FGF14: variants seen among roughly 807,000 people sequenced by gnomAD.
FGF14 encodes fibroblast growth factor homologous factor 4.
Under a neutral mutation model 25.5 loss-of-function variants are expected in FGF14, and 5 were observed. The ratio of observed to expected loss-of-function variants is 0.20; its 90% CI spans 0.10 to 0.41. FGF14 has a LOEUF of 0.41. Ranked by LOEUF, FGF14 falls within the 10% of genes least tolerant of loss-of-function variation. FGF14 has a pLI of 1.00. For missense variants in FGF14, 222 were observed against 320.1 expected (o/e 0.69, Z 2.34); for synonymous variants, 138 against 118.3 (o/e 1.17, Z -1.08).
chr13:101,899,771 C>T (rs1292736266), intron 1 of FGF14, among the ~76,000 whole-genome samples: 1 of 151,844 alleles, frequency 6.6e-6, no homozygotes, highest in African/African-American at 2.4e-5. Flanking sequence ...CAAAAACTGA[C>T]AGGTCTGGAG....
chr13:102,357,199 T>G (rs1444172129), intron 1 of FGF14, among the ~76,000 whole-genome samples: 3 of 151,778 alleles, frequency 2.0e-5, no homozygotes, highest in Non-Finnish European at 4.4e-5. Context: ...GACACCAGGT[T>G]GCACACCTCG....
At chr13:102,108,105 T>G (rs1020918601) in intron 1 of FGF14, among the ~76,000 whole-genome samples, 2 of 152,206 alleles carry the variant, frequency 1.3e-5, no homozygotes, top group African/African-American at 4.8e-5. Flanking sequence ...TAAATAGGAG[T>G]TTAGTAAATA....
At chr13:102,240,953 G>A (rs957920892) in intron 1 of FGF14, among the ~76,000 whole-genome samples, 10 of 152,054 alleles carry the variant, frequency 6.6e-5, no homozygotes, top group Non-Finnish European at 1.0e-4. Context: ...AAAGGCAAAG[G>A]GCAAAATGTA....
At chr13:102,262,657 C>T (rs765886037) in intron 1 of FGF14, among the ~76,000 whole-genome samples, 26 of 152,038 alleles carry the variant, frequency 1.7e-4, no homozygotes, top group African/African-American at 6.3e-4. Context: ...AAATTTAGCA[C>T]CCACTAACAG....
At chr13:101,874,655 T>C (rs919438275) in intron 2 of FGF14, among the ~76,000 whole-genome samples, 3 of 152,150 alleles carry the variant, frequency 2.0e-5, no homozygotes, top group Admixed American at 6.6e-5. Context: ...GCAAACACTT[T>C]GCACAATGAA....
chr13:102,184,225 A>G (rs114818556), intron 1 of FGF14, among the ~76,000 whole-genome samples: 1 of 152,274 alleles, frequency 6.6e-6, no homozygotes, highest in African/African-American at 2.4e-5. Context: ...AGGCAAGCCT[A>G]CTAATCCCAG....
At chr13:102,281,492 G>A (rs1027442400) in intron 1 of FGF14, among the ~76,000 whole-genome samples, 1 of 152,082 alleles carries the variant, frequency 6.6e-6, no homozygotes, top group African/African-American at 2.4e-5. Context: ...CCCTACCGCT[G>A]TCAGTGCTTT....
intron 1 of FGF14, among the ~76,000 whole-genome samples, chr13:101,974,804 A>G (rs4772431): frequency 0.39 from 58,684 of 152,014 alleles, 11,824 homozygotes; most frequent in East Asian, 0.71. Flanking sequence ...AAATCAAATT[A>G]CCACATAATG....
chr13:102,266,326 G>C (rs922222780), intron 1 of FGF14, among the ~76,000 whole-genome samples: 6 of 152,126 alleles, frequency 3.9e-5, no homozygotes, highest in Non-Finnish European at 8.8e-5. Context: ...AGTTAGAAGA[G>C]CTGAAGAGAG....
chr13:101,719,023 C>A lies in FGF14; in HGVS notation c.*3808G>T, dbSNP rs1205289031. 2 of 151,968 alleles carry A rather than the reference C, an allele frequency of 1.3e-5. No homozygotes were observed. The highest frequency in any genetic ancestry group is 2.9e-5 in the Non-Finnish European group (2 of 67,982). The allele number at this position is 151,968 out of a possible 1,614,324, so 9.4% of individuals were successfully genotyped here. ...GCCCAGTCGCTTTCCCTTGATATAG[C>A]CTTGTTCTGAATTAAAATGGAAAAA... On this transcript the variant is annotated 3_prime_UTR_variant, in exon 5 of 5. Transcript: ENST00000376143.
intron 3 of FGF14, among the ~76,000 whole-genome samples, chr13:101,859,192 T>C (rs1261391570): frequency 1.3e-5 from 2 of 152,106 alleles, no homozygotes; most frequent in Non-Finnish European, 2.9e-5. Flanking sequence ...ATTAATAAAA[T>C]GTACTGTGAA....
At chr13:101,895,607 A>T (rs1022137428) in intron 1 of FGF14, among the ~76,000 whole-genome samples, 1 of 152,224 alleles carries the variant, frequency 6.6e-6, no homozygotes, top group African/African-American at 2.4e-5. Context: ...ACTGAAGTGC[A>T]AACATACCTG....
chr13:101,905,888 C>T (rs763674869), intron 1 of FGF14, among the ~76,000 whole-genome samples: 1 of 152,082 alleles, frequency 6.6e-6, no homozygotes, highest in Non-Finnish European at 1.5e-5. Context: ...TACCCCTGAC[C>T]ACTATGAGTT....
chr13:101,920,202 G>A (rs1056821060), upstream of FGF14, among the ~76,000 whole-genome samples: 1 of 152,162 alleles, frequency 6.6e-6, no homozygotes, highest in African/African-American at 2.4e-5. Context: ...AAATGTAAAG[G>A]TTACTGTAGT....
Position 102,362,130 on chromosome 13 carries a change from C to T in FGF14, c.208+39341G>A, listed in dbSNP as rs1037908418. 7.9e-5 allele frequency among the ~76,000 whole-genome samples: 12 copies of T among 152,256 alleles called. 2 individuals carry two copies. Among genetic ancestry groups the T allele is most frequent in the Admixed American group, 7.2e-4 (11 of 15,292 alleles). On this transcript the variant is annotated intron_variant, in intron 1 of 4. Coordinates refer to the FGF14 transcript ENST00000376131. ...GATGTGATCTGTTTGTTCCAGAAGA[C>T]TCTAAATTCATTGCCATGATAGTCC...
intron 1 of FGF14, among the ~76,000 whole-genome samples, chr13:102,182,492 C>T (rs1397695692): frequency 6.6e-6 from 1 of 152,090 alleles, no homozygotes; most frequent in East Asian, 1.9e-4. Flanking sequence ...AAAACTAATA[C>T]AATAGATTTG....
At chr13:102,311,357 CT>C (rs2055757483) in intron 1 of FGF14, among the ~76,000 whole-genome samples, 1 of 152,136 alleles carries the variant, frequency 6.6e-6, no homozygotes, top group Non-Finnish European at 1.5e-5. Context: ...AAGAAAATAT[CT>C]TTTCTATGTG....
Position 102,277,171 on chromosome 13 carries a change from A to G in FGF14, c.208+124300T>C, listed in dbSNP as rs556238826. ...ATGCCAGAGATTGTGGTTGACGAAA[A>G]TTGTTTTTAGAATGACTATCAAGAA... On this transcript the variant is annotated intron_variant, in intron 1 of 4. Transcript: ENST00000376131. Among the ~76,000 whole-genome samples, 324 of 152,356 alleles carry G rather than the reference A, an allele frequency of 2.1e-3. 1 individual carries two copies. The highest frequency in any genetic ancestry group is 7.4e-3 in the African/African-American group (307 of 41,580).
intron 3 of FGF14, among the ~76,000 whole-genome samples, chr13:101,781,136 G>GTC (rs60887373): frequency 6.0e-5 from 9 of 151,022 alleles, no homozygotes; most frequent in African/African-American, 1.5e-4. Context: ...CTTTGTCTTT[G>GTC]TCTCTCTCTC....
Sources: allele counts gnomAD v4.1 joint callset (sites outside exome capture counted in the v4.1 genomes callset), GRCh38; gene constraint gnomAD v4.1.1; transcripts MANE v1.5; gene names NCBI Gene and HGNC (gene_info 2026-07-23, HGNC 2026-07-21).